Variants in XKR6 observed in about 807,000 individuals in gnomAD.
XKR6 encodes XK-related protein 6.
In XKR6, 22 loss-of-function variants were observed where a neutral mutation model predicts 56.7. The ratio of observed to expected loss-of-function variants is 0.39; its 90% CI spans 0.28 to 0.55. XKR6 has a LOEUF of 0.55. Among genes scored for constraint, XKR6 ranks in the 20% least tolerant of loss-of-function variants. XKR6 has a pLI of 0.66. For missense variants in XKR6, 852 were observed against 889.0 expected (o/e 0.96, Z 0.53); for synonymous variants, 524 against 387.8 (o/e 1.35, Z -4.13).
intron 1 of XKR6, among the ~76,000 whole-genome samples, chr8:11,150,809 G>A (rs1400362965): frequency 1.4e-5 from 2 of 144,162 alleles, no homozygotes; most frequent in African/African-American, 5.5e-5. Context: ...ACCAAGATCA[G>A]GCCACTGCAC....
chr8:11,045,014 T>C (rs1276258745), intron 1 of XKR6, among the ~76,000 whole-genome samples: 1 of 151,894 alleles, frequency 6.6e-6, no homozygotes, highest in East Asian at 1.9e-4. Flanking sequence ...CAGTGATCTT[T>C]GCTTACTTGT....
chr8:11,179,526 T>G (rs962459219), intron 1 of XKR6, among the ~76,000 whole-genome samples: 5 of 152,144 alleles, frequency 3.3e-5, no homozygotes, highest in Non-Finnish European at 7.3e-5. Flanking sequence ...CACAAGTACG[T>G]TTCTTTATAG....
intron 1 of XKR6, chr8:11,108,747 CAG>C (rs1191460695): frequency 1.6e-5 from 3 of 188,840 alleles, no homozygotes; most frequent in East Asian, 1.7e-4. Context: ...GGCGCGAGAA[CAG>C]AGTCAGATCA....
At chr8:11,163,648 T>C (rs1801932327) in intron 1 of XKR6, among the ~76,000 whole-genome samples, 2 of 152,220 alleles carry the variant, frequency 1.3e-5, no homozygotes, top group African/African-American at 2.4e-5. Flanking sequence ...ATAGAACGCA[T>C]TGCTTTGTTG....
At chr8:11,012,134 G>C (rs1336546157) in intron 1 of XKR6, among the ~76,000 whole-genome samples, 9 of 152,146 alleles carry the variant, frequency 5.9e-5, no homozygotes, top group Non-Finnish European at 1.3e-4. Context: ...TACCTCAACT[G>C]TGCCCAGGGC....
chr8:11,176,403 A>AT (rs1451942984), intron 1 of XKR6, among the ~76,000 whole-genome samples: 2 of 152,228 alleles, frequency 1.3e-5, no homozygotes, highest in Non-Finnish European at 2.9e-5. Flanking sequence ...TATGTCAAAA[A>AT]TAAAGTCACC....
intron 1 of XKR6, among the ~76,000 whole-genome samples, chr8:11,150,006 TGGGAG>T (rs2116970221): frequency 6.6e-6 from 1 of 152,268 alleles, no homozygotes; most frequent in Admixed American, 6.5e-5. Flanking sequence ...TACTCACATG[TGGGAG>T]CTAAAAAATT....
intron 1 of XKR6, among the ~76,000 whole-genome samples, chr8:10,962,056 A>G (rs1228879870): frequency 6.6e-6 from 1 of 152,208 alleles, no homozygotes; most frequent in African/African-American, 2.4e-5. Flanking sequence ...CTTACTGTGC[A>G]TTATTCTTTG....
chr8:10,984,732 C>CTCTCTCTCTCTATATATATA, intron 1 of XKR6, among the ~76,000 whole-genome samples: 34 of 47,480 alleles, frequency 7.2e-4, no homozygotes, highest in Non-Finnish European at 1.1e-3. Flanking sequence ...CTCTCTCTCT[C>CTCTCTCTCTCTATATATATA]TATATATATA....
intron 2 of XKR6, among the ~76,000 whole-genome samples, chr8:10,921,671 T>C (rs1800723737): frequency 6.6e-6 from 1 of 152,174 alleles, no homozygotes; most frequent in South Asian, 2.1e-4. Context: ...GGATTTCAAA[T>C]GCCCCATCAG....
chr8:10,974,714 G>T (rs1365295106), intron 1 of XKR6, among the ~76,000 whole-genome samples: 1 of 152,168 alleles, frequency 6.6e-6, no homozygotes, highest in African/African-American at 2.4e-5. Flanking sequence ...CCCCAGTGAG[G>T]TTCTCCTTCT....
intron 1 of XKR6, among the ~76,000 whole-genome samples, chr8:10,976,781 C>CTG: frequency 6.7e-6 from 1 of 149,370 alleles, no homozygotes; most frequent in South Asian, 2.1e-4. Flanking sequence ...CTCTCTCTGT[C>CTG]TCTCTCTCTC....
At chr8:11,158,236 A>C (rs1801622220) in intron 1 of XKR6, among the ~76,000 whole-genome samples, 1 of 152,194 alleles carries the variant, frequency 6.6e-6, no homozygotes, top group South Asian at 2.1e-4. Flanking sequence ...AGAAGCATCT[A>C]ACGGTCTGAG....
At chr8:11,114,911 T>A (rs946542038) in intron 1 of XKR6, among the ~76,000 whole-genome samples, 1 of 152,198 alleles carries the variant, frequency 6.6e-6, no homozygotes. Context: ...CCTTTTTCTC[T>A]AACCAAAATA....
At chr8:11,103,461 T>A (rs1049517497) in intron 1 of XKR6, among the ~76,000 whole-genome samples, 1 of 152,192 alleles carries the variant, frequency 6.6e-6, no homozygotes, top group Non-Finnish European at 1.5e-5. Context: ...GAAAGGTAAT[T>A]CTTTATTTCT....
At chr8:10,965,020 C>T (rs932127250) in intron 1 of XKR6, among the ~76,000 whole-genome samples, 1 of 152,234 alleles carries the variant, frequency 6.6e-6, no homozygotes, top group Non-Finnish European at 1.5e-5. Flanking sequence ...CCTTTCCTCT[C>T]TCTTAAAGGG....
intron 1 of XKR6, chr8:11,137,667 T>C (rs1324934342): frequency 8.8e-6 from 4 of 456,122 alleles, no homozygotes; most frequent in Admixed American, 4.7e-5. Flanking sequence ...AGCAATGCAA[T>C]GTGGAGCACA....
rs1331006617 is a variant in XKR6 at position 10,897,877 on chromosome 8, G to A, written c.*75C>T. On this transcript the variant is annotated 3_prime_UTR_variant, in exon 3 of 3. Coordinates refer to ENST00000416569, the MANE Select transcript of XKR6 (RefSeq NM_173683.4). ...TGGTTCTGTGTATTGGGGGAAGGGA[G>A]GGTTATATTTCTTGCAAGTGCTGTT... The A allele has an allele frequency of 6.7e-7, 1 of 1,503,042 alleles. No individual in the cohort carries two copies. Among genetic ancestry groups the A allele is most frequent in the Non-Finnish European group, 8.9e-7 (1 of 1,129,564 alleles). The allele number at this position is 1,503,042 out of a possible 1,614,324, so 93.1% of individuals were successfully genotyped here.
intron 1 of XKR6, among the ~76,000 whole-genome samples, chr8:10,955,628 G>T (rs1336042469): frequency 6.6e-6 from 1 of 152,200 alleles, no homozygotes; most frequent in Non-Finnish European, 1.5e-5. Flanking sequence ...TTTGCCTAAG[G>T]TCACACAAGT....
Sources: allele counts gnomAD v4.1 joint callset (sites outside exome capture counted in the v4.1 genomes callset), GRCh38; gene constraint gnomAD v4.1.1; transcripts MANE v1.5; gene names NCBI Gene and HGNC (gene_info 2026-07-23, HGNC 2026-07-21).